The following CIT variants were observed in gnomAD, a reference collection of about 807,000 sequenced individuals.
CIT encodes the protein citron Rho-interacting kinase.
CIT carries 79 observed loss-of-function variants against 272.7 expected under a neutral mutation model. The ratio of observed to expected loss-of-function variants is 0.29; its 90% CI spans 0.24 to 0.35. The LOEUF (loss-of-function observed/expected upper bound fraction) is 0.35, where lower values mean the gene tolerates loss of function less well. Ranked by LOEUF, CIT falls within the 10% of genes least tolerant of loss-of-function variation. The pLI, the probability that CIT is intolerant of heterozygous loss-of-function variation, is 1.00. For synonymous variants in CIT, 948 were observed against 995.6 expected (o/e 0.95, Z 0.90); for missense variants, 1,909 against 2,618.3 (o/e 0.73, Z 5.91).
chr12:119,876,480 G>C (rs1377357099), intron 1 of CIT, among the ~76,000 whole-genome samples: 1 of 152,194 alleles, frequency 6.6e-6, no homozygotes, highest in African/African-American at 2.4e-5. Context: ...GGCACACATA[G>C]CCTGGCACAC....
At chr12:119,841,374 C>T (rs1333580237) in intron 5 of CIT, among the ~76,000 whole-genome samples, 1 of 152,020 alleles carries the variant, frequency 6.6e-6, no homozygotes, top group Non-Finnish European at 1.5e-5. Context: ...AGGGTTTCAC[C>T]ATGTTGGCCA....
intron 3 of CIT, among the ~76,000 whole-genome samples, chr12:119,867,999 C>A (rs1230171323): frequency 1.3e-5 from 2 of 152,180 alleles, no homozygotes; most frequent in Non-Finnish European, 2.9e-5. Flanking sequence ...GAGGCTGAGG[C>A]AGGAAGACTG....
chr12:119,764,472 C>T (rs1962173991), intron 19 of CIT, among the ~76,000 whole-genome samples: 1 of 151,738 alleles, frequency 6.6e-6, no homozygotes, highest in African/African-American at 2.4e-5. Context: ...AAAAATTACC[C>T]AGGCGTGGTG....
chr12:119,849,128 A>C (rs947998518), intron 5 of CIT, among the ~76,000 whole-genome samples: 3 of 152,212 alleles, frequency 2.0e-5, no homozygotes, highest in African/African-American at 7.2e-5. Context: ...GAGGAGGATT[A>C]GAAAATAAAA....
At chr12:119,806,363 A>C (rs2137907660) in intron 9 of CIT, among the ~76,000 whole-genome samples, 1 of 152,288 alleles carries the variant, frequency 6.6e-6, no homozygotes, top group Admixed American at 6.5e-5. Context: ...GGGGAACTGG[A>C]AATATTCTGC....
At chr12:119,796,566 G>C (rs1388869196) in intron 10 of CIT, among the ~76,000 whole-genome samples, 3 of 152,184 alleles carry the variant, frequency 2.0e-5, no homozygotes, top group Non-Finnish European at 4.4e-5. Flanking sequence ...CTGAGTGAGC[G>C]AGTGGGTCTG....
At chr12:119,764,084 T>C (rs1370335332) in intron 19 of CIT, among the ~76,000 whole-genome samples, 1 of 152,220 alleles carries the variant, frequency 6.6e-6, no homozygotes, top group African/African-American at 2.4e-5. Flanking sequence ...TCAGTTTTTA[T>C]AGCCTCAGTG....
chr12:119,689,666 CTTTTTTTTTT>C (rs531946559), intron 47 of CIT, among the ~76,000 whole-genome samples: 6 of 75,078 alleles, frequency 8.0e-5, no homozygotes, highest in East Asian at 4.6e-4. Context: ...TTAGGAAGCT[CTTTTTTTTTT>C]TTTTTTTTTT....
intron 3 of CIT, among the ~76,000 whole-genome samples, chr12:119,858,513 T>C (rs1211439835): frequency 7.1e-6 from 1 of 141,538 alleles, no homozygotes; most frequent in Non-Finnish European, 1.5e-5. Flanking sequence ...TGAAACTCTG[T>C]CTCCAAAAAA....
In CIT at chr12:119,776,782, C is replaced by G. The variant is rs1275624431; in HGVS notation, c.1726G>C (p.Val576Leu). The G allele has an allele frequency of 6.2e-7, 1 of 1,614,042 alleles. No homozygotes were observed. The highest frequency in any genetic ancestry group is 1.3e-5 in the African/African-American group (1 of 74,928). ...LMMNQLEEDL[V>L]SARRRSDLYE... ...AGATCACTCCGTCTTCTTGCTGAGA[C>G]AAGATCCTCTTCCAACTGATTCATC... Residue 576 changes from valine to leucine, a missense_variant, in exon 14 of 48, where the codon GTC becomes CTC. This residue lies in a region of CIT where 530 missense variants were observed against 822.4 expected (regional missense o/e 0.64). Transcript: ENST00000392521.
chr12:119,688,287 T>G, intron 47 of CIT, 32 bp from the exon 48 acceptor site: 1 of 1,609,180 alleles, frequency 6.2e-7, no homozygotes, highest in South Asian at 1.1e-5. Flanking sequence ...GTGTTAGCCA[T>G]CCGAGGCCAG....
rs769537448 is a variant in CIT, at chr12:119,790,972, C to T, written c.1296-5907G>A. Among the ~76,000 whole-genome samples the T allele has an allele frequency of 3.9e-5, 6 of 152,192 alleles. No individual in the cohort carries two copies. In the South Asian group the frequency reaches 1.0e-3, roughly 26 times the overall value. ...TCATTTATTGAGCACGTGTCAGGCA[C>T]GTGTTTAGTGCTTCATGGGTTACTT... On this transcript the variant is annotated intron_variant, in intron 10 of 47. Coordinates refer to ENST00000392521, the MANE Select transcript of CIT (RefSeq NM_001206999.2).
chr12:119,812,383 T>C (rs1489867644), intron 9 of CIT, among the ~76,000 whole-genome samples: 2 of 152,184 alleles, frequency 1.3e-5, no homozygotes, highest in South Asian at 2.1e-4. Flanking sequence ...ACTAGATTCA[T>C]TCTTTGCTGC....
At chr12:119,815,593 C>T (rs1345282463) in intron 9 of CIT, among the ~76,000 whole-genome samples, 1 of 151,954 alleles carries the variant, frequency 6.6e-6, no homozygotes, top group African/African-American at 2.4e-5. Context: ...GTAATCCCAG[C>T]TACTCGGGAG....
At chr12:119,703,391 A>G (rs1956695353) in intron 41 of CIT, among the ~76,000 whole-genome samples, 1 of 144,424 alleles carries the variant, frequency 6.9e-6, no homozygotes, top group Admixed American at 6.9e-5. Context: ...ACAGGTAATG[A>G]CCCTTATATA....
At chr12:119,807,032 C>A (rs1966652531) in intron 9 of CIT, among the ~76,000 whole-genome samples, 1 of 152,136 alleles carries the variant, frequency 6.6e-6, no homozygotes, top group African/African-American at 2.4e-5. Context: ...GATACTTAAG[C>A]TATGGTCTAC....
Position 119,758,713 on chromosome 12 carries a change from G to C in CIT, c.2422-13C>G, listed in dbSNP as rs1431621548. The C allele has an allele frequency of 6.4e-7, 1 of 1,556,238 alleles. No homozygotes were observed. Among genetic ancestry groups the C allele is most frequent in the Admixed American group, 1.7e-5 (1 of 59,956 alleles). ...TAGCATTGATCATCTGAAACACAGG[G>C]CACCTATGAAACTTCACACACCAGA... On this transcript the variant is annotated splice_polypyrimidine_tract_variant and intron_variant, in intron 20 of 47. Coordinates refer to ENST00000392521, the MANE Select transcript of CIT (RefSeq NM_001206999.2).
rs1967835441 is a variant in CIT at position 119,822,875 on chromosome 12, T to G, written c.1056A>C (p.Glu352Asp). The G allele has an allele frequency of 6.2e-7, 1 of 1,614,156 alleles. No individual in the cohort carries two copies. Among genetic ancestry groups the G allele is most frequent in the South Asian group, 1.1e-5 (1 of 91,076 alleles). The change falls in exon 9 of 48, where the codon GAA becomes GAC. Residue 352 changes from glutamate to aspartate, a missense_variant. By Grantham distance (45) the Glu-to-Asp change is conservative (BLOSUM62 2). Around this residue, in one of 8 missense-constraint regions of CIT, gnomAD observed 529 missense variants for 549.6 expected, o/e 0.96. Coordinates refer to ENST00000392521, the MANE Select transcript of CIT (RefSeq NM_001206999.2). ...AGAAGAAAGGATGGCAGCAAAGACC[T>G]TCAAACTTCAGTCTCTCTTTCTGGC... is the stretch of plus-strand genomic sequence containing the variant. ...LCGQKERLKF[E>D]GLCCHPFFSK...
At chr12:119,751,742 AC>A (rs1008258778) in intron 23 of CIT, among the ~76,000 whole-genome samples, 2 of 152,210 alleles carry the variant, frequency 1.3e-5, no homozygotes, top group African/African-American at 4.8e-5. Flanking sequence ...AGGTAAACAA[AC>A]TTTTAAACAA....
Sources: gnomAD v4.1 joint callset for allele counts (sites outside exome capture counted in the v4.1 genomes callset) on GRCh38, gnomAD v4.1.1 for gene constraint, gnomAD v4.1.1 regional missense constraint, MANE v1.5 for transcripts, NCBI Gene and HGNC (gene_info 2026-07-23, HGNC 2026-07-21) for gene names.